Variants in PKN3 observed in about 807,000 individuals in gnomAD.
The protein encoded by PKN3 is serine/threonine-protein kinase N3.
Under a neutral mutation model 113.1 loss-of-function variants are expected in PKN3, and 91 were observed. The ratio of observed to expected loss-of-function variants is 0.80; its 90% CI spans 0.68 to 0.96. PKN3 has a LOEUF of 0.96. Ranked by LOEUF, PKN3 falls within the 40% of genes least tolerant of loss-of-function variation. PKN3 has a pLI of 0.00. For missense variants in PKN3, 1,052 were observed against 1,202.2 expected (o/e 0.88, Z 1.85); for synonymous variants, 467 against 499.0 (o/e 0.94, Z 0.85).
chr9:128,713,423 G>T, intron 8 of PKN3, 36 bp downstream of exon 8: 1 of 1,612,448 alleles, frequency 6.2e-7, no homozygotes, highest in Non-Finnish European at 8.5e-7. Flanking sequence ...GGGTGACCTT[G>T]GGCTGCGGGG....
chr9:128,720,256 G>C lies in PKN3; in HGVS notation c.2430G>C (p.Glu810Asp). The C allele has an allele frequency of 6.2e-7, 1 of 1,613,992 alleles. No individual in the cohort carries two copies. The highest frequency in any genetic ancestry group is 8.5e-7 in the Non-Finnish European group (1 of 1,180,004). Residue 810 changes from glutamate (E) to aspartate (D), a missense_variant, in exon 21 of 22, where the codon GAG becomes GAC. Glu to Asp is a conservative substitution (Grantham distance 45). Coordinates refer to ENST00000291906, the MANE Select transcript of PKN3 (RefSeq NM_013355.5). The surrounding 1 kb of genome is among the most constrained non-coding windows in gnomAD (Gnocchi z 5.5). ...TCGGGGCAGGTGAGCAGGATGCCGA[G>C]GAGATCAAGGTCCAGCCATTCTTCA... ...KRLGAGEQDA[E>D]EIKVQPFFRT...
In PKN3 at chr9:128,705,349, G is replaced by T. The variant is rs1220318953; in HGVS notation, c.71G>T (p.Arg24Leu). Residue 24 changes from arginine to leucine, a missense_variant, in exon 2 of 22, where the codon CGC becomes CTC. This residue lies in a region of PKN3 where 719 missense variants were observed against 759.4 expected (regional missense o/e 0.95). Transcript: ENST00000291906. The part of the protein sequence containing the change: ...WPPEDEKEVI[R>L]RAIQKELKIK... ...CCAGAGGATGAGAAGGAGGTGATCC[G>T]CCGGGCCATCCAGAAAGAGCTGAAG... is the stretch of plus-strand genomic sequence containing the variant. 6.3e-7 allele frequency: 1 copy of T among 1,581,422 alleles called. No individual in the cohort carries two copies.
In PKN3 at chr9:128,705,460, A is replaced by C. The variant is rs756163526; in HGVS notation, c.182A>C (p.Asn61Thr). 5.1e-6 allele frequency: 8 copies of C among 1,572,880 alleles called. No individual in the cohort carries two copies. The African/African-American group carries it at 9.5e-5, about 19-fold the overall frequency. ...GHVQQLLRSS[N>T]RRLEQLHGEL... ...GTGCAGCAGCTGCTGCGGTCCTCCA[A>C]CCGCCGCCTGGAGCAGCTGCATGGC... is the stretch of plus-strand genomic sequence containing the variant. Residue 61 changes from asparagine (N) to threonine (T), a missense_variant, in exon 2 of 22, where the codon AAC becomes ACC. Asn to Thr is a moderately conservative substitution (Grantham distance 65). Coordinates refer to ENST00000291906, the MANE Select transcript of PKN3 (RefSeq NM_013355.5).
intron 6 of PKN3, among the ~76,000 whole-genome samples, chr9:128,710,237 A>G (rs986871962): frequency 2.0e-5 from 3 of 151,516 alleles, no homozygotes; most frequent in Admixed American, 2.0e-4. Context: ...CAAAAAAGTT[A>G]ATTTTCTTAT....
In PKN3 at chr9:128,714,738, G is replaced by C. The variant is rs1014511007; in HGVS notation, c.1585-60G>C. On this transcript the variant is annotated intron_variant, in intron 12 of 21. Transcript: ENST00000291906. Reference sequence around the variant, plus strand: ...AGGGCCACCCAGCTGTGGGGTGGCAGGCCTGAAGGGAAAGAGAGAAGGAAG... The same window carrying C: ...AGGGCCACCCAGCTGTGGGGTGGCACGCCTGAAGGGAAAGAGAGAAGGAAG... The C allele has an allele frequency of 3.3e-6, 5 of 1,536,540 alleles. No homozygotes were observed. The African/African-American group carries it at 6.8e-5, about 21-fold the overall frequency.
chr9:128,714,521 G>A (rs113938632), intron 11 of PKN3, 41 bp from the exon 12 acceptor site: 334 of 955,084 alleles, frequency 3.5e-4, no homozygotes, highest in Middle Eastern at 1.3e-3. Context: ...CAGCTCTTGC[G>A]TCTGCCTGTG....
Position 128,715,929 on chromosome 9 carries a change from G to C in PKN3, c.1808+469G>C, listed in dbSNP as rs1862324021. On this transcript the variant is annotated intron_variant, in intron 15 of 21. Coordinates refer to ENST00000291906, the MANE Select transcript of PKN3 (RefSeq NM_013355.5). The surrounding 1 kb of genome is among the most constrained non-coding windows in gnomAD (Gnocchi z 4.1). ...GAGGTGAGAGGATTGCTTAAGCCCA[G>C]GAGGTAGAGGTTATAGTTAGCAGAG... Among the ~76,000 whole-genome samples the C allele has an allele frequency of 6.6e-6, 1 of 151,884 alleles. No homozygotes were observed. Among genetic ancestry groups the C allele is most frequent in the African/African-American group, 2.4e-5 (1 of 41,330 alleles).
rs1315779067 is a variant in PKN3, at chr9:128,718,626, G to A, written c.2125+1G>A. On this transcript the variant is annotated splice_donor_variant, in intron 18 of 21. Coordinates refer to ENST00000291906, the MANE Select transcript of PKN3 (RefSeq NM_013355.5). LOFTEE classifies it high-confidence loss of function. ...GCAGACTTTGGACTCTGCAAGGAAG[G>A]TGGGGGCCGCCCATTGGGATCCATA... is the stretch of plus-strand genomic sequence containing the variant. 6.2e-7 allele frequency: 1 copy of A among 1,613,972 alleles called. No individual in the cohort carries two copies. Among genetic ancestry groups the A allele is most frequent in the African/African-American group, 1.3e-5 (1 of 75,034 alleles).
At chr9:128,717,890 C>T (rs999963090) in intron 16 of PKN3, among the ~76,000 whole-genome samples, 1 of 142,842 alleles carries the variant, frequency 7.0e-6, no homozygotes, top group African/African-American at 2.6e-5. Flanking sequence ...AAAAAATTAG[C>T]TGGGCGTGGT....
chr9:128,716,664 T>A, intron 15 of PKN3, 83 bp from the exon 16 acceptor site: 2 of 1,122,678 alleles, frequency 1.8e-6, no homozygotes, highest in Non-Finnish European at 1.3e-6. Flanking sequence ...GAGGGCCCAG[T>A]GAGCCAGGGG....
Position 128,706,759 on chromosome 9 carries a change from A to G in PKN3, c.458A>G (p.Gln153Arg). 1 of 1,607,640 alleles carries G rather than the reference A, an allele frequency of 6.2e-7. No individual in the cohort carries two copies. The highest frequency in any genetic ancestry group is 1.1e-5 in the South Asian group (1 of 90,206). Residue 153 changes from glutamine (Q) to arginine (R), a missense_variant, in exon 4 of 22, where the codon CAG (glutamine) becomes CGG (arginine). Physicochemically the swap from Gln to Arg is conservative, Grantham distance 43 (BLOSUM62 1). Around this residue, in one of 2 missense-constraint regions of PKN3, gnomAD observed 719 missense variants for 759.4 expected, o/e 0.95. Coordinates refer to ENST00000291906, the MANE Select transcript of PKN3 (RefSeq NM_013355.5). ...GCCCAGCAGATGCTGCGGGACAGCC[A>G]GCTGAAGGTGGCCCTGCTGCGGATG... ...AAAQQMLRDS[Q>R]LKVALLRMKI...
intron 18 of PKN3, 45 bp downstream of exon 18, chr9:128,718,670 C>A: frequency 6.4e-7 from 1 of 1,561,494 alleles, no homozygotes; most frequent in Non-Finnish European, 8.8e-7. Context: ...CTTGTTTACC[C>A]ACCCTGGCCA....
Position 128,719,973 on chromosome 9 carries a change from T to A in PKN3, c.2332T>A (p.Tyr778Asn), listed in dbSNP as rs1461777521. The change falls in exon 20 of 22, where the codon TAC becomes AAC. Residue 778 changes from tyrosine to asparagine, a missense_variant. Transcript: ENST00000291906. ...CTGCATCGTCAACATGGACGCCCCCTACCCCGGCTTTCTGTCGGTGCAAGG... is the reference window on the plus strand; with the variant it reads ...CTGCATCGTCAACATGGACGCCCCCAACCCCGGCTTTCTGTCGGTGCAAGG... The part of the protein sequence containing the change: ...FDCIVNMDAP[Y>N]PGFLSVQGLE... 1.1e-5 allele frequency: 18 copies of A among 1,614,016 alleles called. No homozygotes were observed. Among genetic ancestry groups the A allele is most frequent in the Non-Finnish European group, 1.5e-5 (18 of 1,180,020 alleles).
rs140766699 is a variant in PKN3 at position 128,705,371 on chromosome 9, G to A, written c.93G>A (p.Leu31=). 99 of 1,595,692 alleles carry A rather than the reference G, an allele frequency of 6.2e-5. No individual in the cohort carries two copies. The African/African-American group carries it at 1.1e-3, about 18-fold the overall frequency. ...EVIRRAIQKE[L]KIKEGVENLR... is the part of the protein sequence containing the mutation. The stretch of plus-strand genomic sequence containing the variant: ...TCCGCCGGGCCATCCAGAAAGAGCT[G>A]AAGATCAAGGAGGGGGTGGAGAACC... The change falls in exon 2 of 22, where the codon CTG becomes CTA. Residue 31 remains leucine (L), a synonymous_variant. Transcript: ENST00000291906.
intron 18 of PKN3, 93 bp from the exon 19 acceptor site, chr9:128,719,593 A>T: frequency 7.6e-7 from 1 of 1,324,408 alleles, no homozygotes; most frequent in Non-Finnish European, 1.0e-6. Flanking sequence ...GGCTTGGCAC[A>T]GGCTCAGCTC....
rs1352344578 is a variant in PKN3 at position 128,714,058 on chromosome 9, G to T, written c.1249G>T (p.Asp417Tyr). Residue 417 changes from aspartate (D) to tyrosine (Y), a missense_variant, in exon 10 of 22, where the codon GAT becomes TAT. Physicochemically the swap from Asp to Tyr is radical, Grantham distance 160 (BLOSUM62 -3). Coordinates refer to ENST00000291906, the MANE Select transcript of PKN3 (RefSeq NM_013355.5). ...GLLFAQVTFC[D>Y]PVIERRPRLQ... The stretch of plus-strand genomic sequence containing the variant: ...CCTACCCCTGCAGGTGACCTTCTGC[G>T]ATCCTGTCATTGAGAGGCGGCCCCG... The T allele has an allele frequency of 6.2e-7, 1 of 1,614,074 alleles. No homozygotes were observed.
rs1862040844 is a variant in PKN3 at position 128,707,023 on chromosome 9, G to A, written c.651G>A (p.Glu217=). The part of the protein sequence containing the change: ...RRTQDRKALA[E]AQAQLQESSQ... The stretch of plus-strand genomic sequence containing the variant: ...CACAGGACCGCAAGGCACTGGCTGA[G>A]GTCAGGCCCCAGCCCTGGCCCTCTC... The change falls in exon 5 of 22, where the codon GAG becomes GAA. Residue 217 remains glutamate, a splice_region_variant and synonymous_variant. Transcript: ENST00000291906. The A allele has an allele frequency of 2.5e-6, 4 of 1,614,184 alleles. No individual in the cohort carries two copies. The highest frequency in any genetic ancestry group is 2.5e-6 in the Non-Finnish European group (3 of 1,180,030).
chr9:128,712,328 G>GT (rs1862205215), intron 6 of PKN3, among the ~76,000 whole-genome samples: 1 of 152,148 alleles, frequency 6.6e-6, no homozygotes, highest in African/African-American at 2.4e-5. Context: ...GGCCTGCTTC[G>GT]TGTCCTCAAA....
rs746185574 is a variant in PKN3 at position 128,716,728 on chromosome 9, C to T, written c.1809-19C>T. 1.2e-6 allele frequency: 2 copies of T among 1,610,044 alleles called. No individual in the cohort carries two copies. Among genetic ancestry groups the T allele is most frequent in the East Asian group, 2.2e-5 (1 of 44,854 alleles). ...GGGAAAGTTTTCCTTCCCTCTAATA[C>T]TCTTGCTCTCTCCTGTAGCCTGTAC... On this transcript the variant is annotated intron_variant, in intron 15 of 21. Coordinates refer to ENST00000291906, the MANE Select transcript of PKN3 (RefSeq NM_013355.5).
Sources: allele counts gnomAD v4.1 joint callset (sites outside exome capture counted in the v4.1 genomes callset), GRCh38; gene constraint gnomAD v4.1.1; regional missense constraint gnomAD v4.1.1; non-coding constraint Gnocchi (gnomAD v3.1); transcripts MANE v1.5; gene names NCBI Gene and HGNC (gene_info 2026-07-23, HGNC 2026-07-21).